The following DACH2 variants were observed in gnomAD, a reference collection of about 807,000 sequenced individuals.
DACH2 encodes dachshund homolog 2.
DACH2 carries 17 observed loss-of-function variants against 35.8 expected under a neutral mutation model. That is an observed-to-expected ratio of 0.48 (90% CI 0.33 to 0.71). The LOEUF is 0.71. DACH2 is among the 30% of genes least tolerant of loss of function. DACH2 has a pLI of 0.02. For missense variants in DACH2, 469 were observed against 472.7 expected (o/e 0.99, Z 0.07); for synonymous variants, 195 against 177.3 (o/e 1.10, Z -0.79).
chrX:86,597,916 G>C (rs2039733399), intron 3 of DACH2, among the ~76,000 whole-genome samples: 1 of 111,880 alleles, frequency 8.9e-6, no homozygotes, highest in African/African-American at 3.3e-5. Context: ...ATTTACAGAA[G>C]AAAGAGGTAA....
chrX:86,294,687 G>A (rs1281183926), intron 1 of DACH2, among the ~76,000 whole-genome samples: 3 of 110,431 alleles, frequency 2.7e-5, no homozygotes, highest in African/African-American at 1.0e-4. Flanking sequence ...TCTGTGTGAG[G>A]TGTCAGTTTG....
rs1212257567 is a variant in DACH2, at chrX:86,814,692, T to C, written c.1542T>C (p.Thr514=). The stretch of plus-strand genomic sequence containing the variant: ...AAACTACCTTTTACATTTCAGCTAC[T>C]ATGCAAAAGCGCCTGAAGAAGGAGA... ...QLAVELQSRT[T]MQKRLKKEKK... is the part of the protein sequence containing the mutation. The change falls in exon 10 of 12, where the codon ACT becomes ACC. Residue 514 remains threonine (T), a synonymous_variant. Coordinates refer to ENST00000373125, the MANE Select transcript of DACH2 (RefSeq NM_053281.3). The C allele has an allele frequency of 8.3e-7, 1 of 1,208,789 alleles. No individual in the cohort carries two copies. Among genetic ancestry groups the C allele is most frequent in the African/African-American group, 1.8e-5 (1 of 57,058 alleles).
chrX:86,391,334 C>T (rs1037700975), intron 2 of DACH2, among the ~76,000 whole-genome samples: 1 of 95,062 alleles, frequency 1.1e-5, no homozygotes, highest in Non-Finnish European at 2.1e-5. Flanking sequence ...ACTGGTTTCT[C>T]GATTATTCAG....
chrX:86,458,873 G>C (rs2037519827), intron 2 of DACH2, among the ~76,000 whole-genome samples: 1 of 110,531 alleles, frequency 9.0e-6, no homozygotes, highest in Non-Finnish European at 1.9e-5. Context: ...CCTGTCAGGG[G>C]GTGGAGGCTA....
At chrX:86,286,223 G>A (rs781445802) in intron 1 of DACH2, among the ~76,000 whole-genome samples, 1 of 92,264 alleles carries the variant, frequency 1.1e-5, no homozygotes, top group East Asian at 3.8e-4. Flanking sequence ...CGCTTCCCGG[G>A]TTCACGCCAT....
At chrX:86,429,000 G>A (rs371225993) in intron 2 of DACH2, among the ~76,000 whole-genome samples, 1 of 111,128 alleles carries the variant, frequency 9.0e-6, no homozygotes, top group Non-Finnish European at 1.9e-5. Context: ...AGACTTAAAA[G>A]CCCAGCATGT....
chrX:86,575,356 G>A (rs1442993091), intron 3 of DACH2, among the ~76,000 whole-genome samples: 1 of 110,798 alleles, frequency 9.0e-6, no homozygotes, highest in Non-Finnish European at 1.9e-5. Flanking sequence ...TGGTGGGGGG[G>A]GAAGCTTAAA....
intron 2 of DACH2, among the ~76,000 whole-genome samples, chrX:86,510,725 T>G (rs2038384884): frequency 9.0e-6 from 1 of 111,580 alleles, no homozygotes; most frequent in Non-Finnish European, 1.9e-5. Context: ...GTTTGACTAT[T>G]TTATGGGGTT....
intron 2 of DACH2, chrX:86,481,513 A>G (rs1042633925): frequency 8.9e-6 from 1 of 112,352 alleles, no homozygotes; most frequent in South Asian, 3.7e-4. Flanking sequence ...TCTAGTTGTT[A>G]TCTGTATACC....
chrX:86,566,852 A>C (rs779097179), intron 3 of DACH2, among the ~76,000 whole-genome samples: 4 of 111,645 alleles, frequency 3.6e-5, no homozygotes, highest in African/African-American at 1.3e-4. Context: ...TATTATCCTT[A>C]TTTTGCAGAT....
At chrX:86,195,090 C>T (rs1054935497) in intron 1 of DACH2, among the ~76,000 whole-genome samples, 1 of 113,060 alleles carries the variant, frequency 8.8e-6, no homozygotes, top group Non-Finnish European at 1.9e-5. Context: ...TTCCCCTGGG[C>T]CCACAGCAAG....
At chrX:86,573,089 C>T (rs1351969680) in intron 3 of DACH2, among the ~76,000 whole-genome samples, 4 of 108,966 alleles carry the variant, frequency 3.7e-5, no homozygotes, top group African/African-American at 1.3e-4. Context: ...AGAAAATGCT[C>T]AACACTCACT....
At chrX:86,537,126 A>T (rs1171272957) in intron 3 of DACH2, among the ~76,000 whole-genome samples, 1 of 111,562 alleles carries the variant, frequency 9.0e-6, no homozygotes, top group Non-Finnish European at 1.9e-5. Context: ...TAATTGCAGA[A>T]TTGGCACCAT....
intron 2 of DACH2, among the ~76,000 whole-genome samples, chrX:86,428,244 A>G (rs766717207): frequency 1.8e-5 from 2 of 112,142 alleles, no homozygotes; most frequent in Admixed American, 9.5e-5. Flanking sequence ...ATACCAAATA[A>G]TGATAAAAAA....
intron 2 of DACH2, among the ~76,000 whole-genome samples, chrX:86,451,609 T>TGA (rs2148197251): frequency 8.9e-6 from 1 of 111,816 alleles, no homozygotes; most frequent in Admixed American, 9.6e-5. Context: ...CAATGATAGT[T>TGA]TAATGAAAAT....
intron 3 of DACH2, among the ~76,000 whole-genome samples, chrX:86,549,473 T>G (rs759688781): frequency 2.7e-5 from 3 of 111,289 alleles, no homozygotes; most frequent in African/African-American, 9.7e-5. Context: ...AAAATCTTAT[T>G]TTAAATGTAC....
intron 1 of DACH2, among the ~76,000 whole-genome samples, chrX:86,251,467 G>C (rs1294644152): frequency 9.0e-6 from 1 of 110,698 alleles, no homozygotes; most frequent in Non-Finnish European, 1.9e-5. Context: ...AACCCAGTTT[G>C]TAGTATTTTA....
chrX:86,305,715 C>T (rs1313373979), intron 1 of DACH2, among the ~76,000 whole-genome samples: 1 of 109,600 alleles, frequency 9.1e-6, no homozygotes. Flanking sequence ...ATAACAAAAT[C>T]GAACAACTCG....
intron 2 of DACH2, among the ~76,000 whole-genome samples, chrX:86,506,154 G>A (rs994534331): frequency 9.0e-6 from 1 of 111,536 alleles, no homozygotes; most frequent in Non-Finnish European, 1.9e-5. Flanking sequence ...TGAAATCAAC[G>A]TGGTAGCCAG....
Sources: allele counts gnomAD v4.1 joint callset (sites outside exome capture counted in the v4.1 genomes callset), GRCh38; gene constraint gnomAD v4.1.1; transcripts MANE v1.5; gene names NCBI Gene and HGNC (gene_info 2026-07-23, HGNC 2026-07-21).